Variants in HPSE2 observed in about 807,000 individuals in gnomAD.
The protein encoded by HPSE2 is heparanase 2 (inactive), also known as inactive heparanase-2.
A neutral mutation model predicts 60.5 loss-of-function variants in HPSE2; 38 were observed. That is an observed-to-expected ratio of 0.63 (90% confidence interval 0.48 to 0.82). The LOEUF (loss-of-function observed/expected upper bound fraction) is 0.82, where lower values mean the gene tolerates loss of function less well. Among genes scored for constraint, HPSE2 ranks in the 40% least tolerant of loss-of-function variants. The pLI is 0.00. For synonymous variants in HPSE2, 295 were observed against 293.2 expected (o/e 1.01, Z -0.06); for missense variants, 713 against 740.4 (o/e 0.96, Z 0.43).
chr10:99,020,885 A>C (rs1957247080), intron 3 of HPSE2, among the ~76,000 whole-genome samples: 1 of 152,184 alleles, frequency 6.6e-6, no homozygotes, highest in Non-Finnish European at 1.5e-5. Context: ...CGGCCAACTT[A>C]CAGGGCCAGG....
chr10:99,299,395 T>C, the HPSE2 span, among the ~76,000 whole-genome samples: 3 of 152,232 alleles, frequency 2.0e-5, no homozygotes, highest in Non-Finnish European at 2.9e-5. Context: ...CCATGTTTGA[T>C]TTGGCTTTCT....
intron 3 of HPSE2, among the ~76,000 whole-genome samples, chr10:99,093,725 G>A (rs1843599548): frequency 6.6e-6 from 1 of 152,152 alleles, no homozygotes; most frequent in African/African-American, 2.4e-5. Flanking sequence ...CTCCCATTAA[G>A]CATCACTTCC....
At chr10:99,213,446 G>A (rs1849015804) in intron 2 of HPSE2, among the ~76,000 whole-genome samples, 1 of 151,852 alleles carries the variant, frequency 6.6e-6, no homozygotes, top group South Asian at 2.1e-4. Flanking sequence ...ATGATCAAAG[G>A]AAAGCATCAT....
chr10:98,959,997 G>C (rs1955609891), intron 3 of HPSE2, among the ~76,000 whole-genome samples: 1 of 152,028 alleles, frequency 6.6e-6, no homozygotes, highest in Non-Finnish European at 1.5e-5. Context: ...AAAAGCCTCA[G>C]ACACCACTTC....
intron 9 of HPSE2, among the ~76,000 whole-genome samples, chr10:98,541,327 C>T (rs76953883): frequency 1.1e-4 from 16 of 152,110 alleles, no homozygotes; most frequent in South Asian, 4.2e-4. Flanking sequence ...AAAAAAAACT[C>T]GGGGGAGGAG....
chr10:99,190,707 C>G (rs1035496583), intron 2 of HPSE2, among the ~76,000 whole-genome samples: 8 of 152,172 alleles, frequency 5.3e-5, no homozygotes, highest in Non-Finnish European at 1.0e-4. Context: ...CATCCCCATG[C>G]AGGAACACCA....
intron 3 of HPSE2, among the ~76,000 whole-genome samples, chr10:98,789,033 T>G (rs1950598253): frequency 6.6e-6 from 1 of 152,194 alleles, no homozygotes; most frequent in Non-Finnish European, 1.5e-5. Flanking sequence ...CTCTATAACT[T>G]ACAGTAAATT....
At chr10:99,146,056 C>G (rs1389609144) in intron 2 of HPSE2, among the ~76,000 whole-genome samples, 1 of 152,172 alleles carries the variant, frequency 6.6e-6, no homozygotes, top group Non-Finnish European at 1.5e-5. Flanking sequence ...AATAACTAGT[C>G]TCACAGATTT....
At position 98,858,176 on chromosome 10, in the gene HPSE2, G is replaced by T. The variant is rs113373058; in HGVS notation, c.611-114120C>A. Among the ~76,000 whole-genome samples, 418 of 152,294 alleles carry T rather than the reference G, an allele frequency of 2.7e-3. 2 individuals are homozygous for T. Among genetic ancestry groups the T allele is most frequent in the Middle Eastern group, 0.01 (3 of 294 alleles). Reference sequence around the variant, plus strand: ...ATGCTTGTTGAATGTCTATGTGAATGAATTTGTCTTAATTATTCACATCCC... The same window carrying T: ...ATGCTTGTTGAATGTCTATGTGAATTAATTTGTCTTAATTATTCACATCCC... On this transcript the variant is annotated intron_variant, in intron 3 of 11. Coordinates refer to ENST00000370552, the MANE Select transcript of HPSE2 (RefSeq NM_021828.5).
intron 2 of HPSE2, among the ~76,000 whole-genome samples, chr10:99,196,765 T>C (rs1303412892): frequency 6.6e-6 from 1 of 152,152 alleles, no homozygotes; most frequent in Non-Finnish European, 1.5e-5. Context: ...TTGCTGGTGC[T>C]GGTGCAAATG....
chr10:98,604,288 G>T (rs551060854), intron 9 of HPSE2, among the ~76,000 whole-genome samples: 2 of 145,432 alleles, frequency 1.4e-5, no homozygotes, highest in African/African-American at 5.1e-5. Context: ...CAGAGAGATG[G>T]ATATCCTAAG....
intron 3 of HPSE2, among the ~76,000 whole-genome samples, chr10:99,097,763 C>T (rs1051248010): frequency 2.6e-5 from 4 of 152,086 alleles, no homozygotes; most frequent in East Asian, 1.9e-4. Flanking sequence ...TATAATCCTA[C>T]GAACTAGATA....
In HPSE2 at chr10:99,232,210, C is replaced by CGCAT. The variant is rs201599175; in HGVS notation, c.448+134_448+137dup. ...CCAAATCTGCCCCAACGCGCGCGCG[C>CGCAT]GCATACACACACACACACACACACA... On this transcript the variant is annotated intron_variant, in intron 2 of 11. Transcript: ENST00000370552. 9.2e-4 allele frequency: 720 copies of CGCAT among 782,512 alleles called. 29 individuals are homozygous for CGCAT. The African/African-American group carries it at 9.5e-3, about 10-fold the overall frequency. The allele number at this position is 782,512 out of a possible 1,614,324, so 48.5% of individuals were successfully genotyped here. A position where few individuals can be genotyped will look rare whatever the true frequency, so the allele number is the denominator to read the frequency against.
intron 3 of HPSE2, among the ~76,000 whole-genome samples, chr10:98,763,796 A>G (rs1240440842): frequency 2.6e-5 from 4 of 151,732 alleles, no homozygotes; most frequent in African/African-American, 9.7e-5. Flanking sequence ...AAAAAAAACT[A>G]GTAGAATCCA....
intron 3 of HPSE2, among the ~76,000 whole-genome samples, chr10:98,839,190 G>C (rs1279590880): frequency 6.6e-6 from 1 of 152,086 alleles, no homozygotes; most frequent in Non-Finnish European, 1.5e-5. Context: ...CAACACTAAG[G>C]CTGAAAATTT....
chr10:99,026,254 A>C (rs1957374844), intron 3 of HPSE2, among the ~76,000 whole-genome samples: 1 of 152,108 alleles, frequency 6.6e-6, no homozygotes, highest in Admixed American at 6.6e-5. Flanking sequence ...TGAACACACA[A>C]ATTGACTAAA....
At chr10:99,013,263 T>C (rs1957059317) in intron 3 of HPSE2, 2 of 634,930 alleles carry the variant, frequency 3.1e-6, no homozygotes, top group East Asian at 6.5e-5. Context: ...AACATCTTGT[T>C]TATTAGCAAA....
At chr10:99,039,772 A>T (rs1357158382) in intron 3 of HPSE2, among the ~76,000 whole-genome samples, 1 of 152,128 alleles carries the variant, frequency 6.6e-6, no homozygotes, top group East Asian at 1.9e-4. Flanking sequence ...TAAAATGGAA[A>T]TAGTCTCTGG....
Position 99,235,587 on chromosome 10 carries a change from C to T in HPSE2, c.216G>A (p.Arg72=), listed in dbSNP as rs770712899. The change falls in exon 1 of 12, where the codon AGG becomes AGA. Residue 72 remains arginine, a synonymous_variant. Transcript: ENST00000370552. ...LLDVSTKNPV[R]TVNENFLSLQ... ...GAGAGAGGAAGTTCTCATTGACTGT[C>T]CTGACTGGGTTCTTGGTGCTCACAT... 1.2e-6 allele frequency: 2 copies of T among 1,614,070 alleles called. No homozygotes were observed.
Sources: allele counts gnomAD v4.1 joint callset (sites outside exome capture counted in the v4.1 genomes callset), GRCh38; gene constraint gnomAD v4.1.1; transcripts MANE v1.5; gene names NCBI Gene and HGNC (gene_info 2026-07-23, HGNC 2026-07-21).